The following CPQ variants were observed in gnomAD, a reference collection of about 807,000 sequenced individuals.
The protein encoded by CPQ is carboxypeptidase Q, also known as Ser-Met dipeptidase.
A neutral mutation model predicts 45.7 loss-of-function variants in CPQ; 37 were observed. That is an observed-to-expected ratio of 0.81 (90% CI 0.62 to 1.07). CPQ has a LOEUF of 1.07. Ranked by LOEUF, CPQ falls within the 50% of genes least tolerant of loss-of-function variation. The pLI is 0.00. For missense variants in CPQ, 537 were observed against 572.9 expected, an observed-to-expected ratio of 0.94 and a Z score of 0.64; for synonymous variants, 186 against 205.8, an observed-to-expected ratio of 0.90 and a Z score of 0.82.
At chr8:96,659,565 A>G (rs1333568005) in intron 1 of CPQ, among the ~76,000 whole-genome samples, 1 of 152,204 alleles carries the variant, frequency 6.6e-6, no homozygotes, top group Non-Finnish European at 1.5e-5. Flanking sequence ...TTCTATACAC[A>G]TGAGATCTTC....
At chr8:97,023,645 G>A (rs1190172018) in intron 5 of CPQ, among the ~76,000 whole-genome samples, 1 of 152,168 alleles carries the variant, frequency 6.6e-6, no homozygotes, top group Non-Finnish European at 1.5e-5. Context: ...AGGTAGGACT[G>A]TTGCCTTTGA....
intron 1 of CPQ, among the ~76,000 whole-genome samples, chr8:96,739,134 C>G (rs1167031961): frequency 1.4e-5 from 2 of 145,434 alleles, no homozygotes; most frequent in African/African-American, 5.1e-5. Flanking sequence ...TGTTTCCTGA[C>G]TTTTTAATGA....
rs189892327 is a variant in CPQ at position 96,974,709 on chromosome 8, G to A, written c.961+8663G>A. Among the ~76,000 whole-genome samples, 59 of 152,080 alleles carry A rather than the reference G, an allele frequency of 3.9e-4. 1 individual carries two copies. Among genetic ancestry groups the A allele is most frequent in the Middle Eastern group, 3.4e-3 (1 of 294 alleles). On this transcript the variant is annotated intron_variant, in intron 5 of 7. Coordinates refer to ENST00000220763, the MANE Select transcript of CPQ (RefSeq NM_016134.4). ...TAAAATTCGAAATCAACTCCAAGAG[G>A]AACCCTTAAAACCATGTAAATACAT...
chr8:96,940,278 T>C (rs1813107327), intron 4 of CPQ, among the ~76,000 whole-genome samples: 1 of 152,164 alleles, frequency 6.6e-6, no homozygotes, highest in Non-Finnish European at 1.5e-5. Flanking sequence ...ATACAAATCA[T>C]GGTTCATAAA....
intron 4 of CPQ, among the ~76,000 whole-genome samples, chr8:96,915,200 C>G (rs1453675777): frequency 1.3e-5 from 2 of 152,100 alleles, no homozygotes; most frequent in African/African-American, 4.8e-5. Flanking sequence ...CTTCAGGGGC[C>G]TATGTTTTTA....
At chr8:96,920,265 C>T (rs1372081398) in intron 4 of CPQ, among the ~76,000 whole-genome samples, 1 of 152,146 alleles carries the variant, frequency 6.6e-6, no homozygotes, top group East Asian at 1.9e-4. Flanking sequence ...ACTTTCTTCA[C>T]TGAGCCCTAT....
chr8:97,089,478 T>C (rs1046442060), intron 7 of CPQ, among the ~76,000 whole-genome samples: 3 of 152,142 alleles, frequency 2.0e-5, no homozygotes, highest in African/African-American at 7.2e-5. Context: ...AACATCAGAA[T>C]AGTCCGCTAG....
chr8:96,887,109 G>T (rs911379541), intron 4 of CPQ, among the ~76,000 whole-genome samples: 3 of 152,012 alleles, frequency 2.0e-5, no homozygotes, highest in Non-Finnish European at 4.4e-5. Context: ...GTTCCCCTGT[G>T]CCTCTTTTCA....
intron 2 of CPQ, among the ~76,000 whole-genome samples, chr8:96,792,988 T>A (rs1810869968): frequency 6.6e-6 from 1 of 152,092 alleles, no homozygotes; most frequent in African/African-American, 2.4e-5. Context: ...CATCAGATCT[T>A]GTGAGAATTC....
chr8:96,857,201 C>T (rs1563514366), intron 3 of CPQ, among the ~76,000 whole-genome samples: 1 of 152,150 alleles, frequency 6.6e-6, no homozygotes, highest in South Asian at 2.1e-4. Flanking sequence ...GCAGATAGTG[C>T]CTCAAGGTCA....
rs764587823 is a variant in CPQ, at chr8:96,693,465, G to GA, written c.-35+48069dup. The stretch of plus-strand genomic sequence containing the variant: ...TATAAAGAAAGGATCCTAAAAGCAA[G>GA]AAAAAAGAAACAAATAACATACAAT... On this transcript the variant is annotated intron_variant, in intron 1 of 7. Transcript: ENST00000220763. 5.3e-4 allele frequency among the ~76,000 whole-genome samples: 81 copies of GA among 151,930 alleles called. 4 individuals are homozygous for GA. The highest frequency in any genetic ancestry group is 5.3e-4 in the Non-Finnish European group (36 of 67,936).
At chr8:96,830,095 T>C (rs1187423706) in intron 2 of CPQ, among the ~76,000 whole-genome samples, 1 of 152,150 alleles carries the variant, frequency 6.6e-6, no homozygotes, top group Non-Finnish European at 1.5e-5. Flanking sequence ...CCTAGTTATC[T>C]TGCATAGTGC....
intron 4 of CPQ, among the ~76,000 whole-genome samples, chr8:96,883,511 A>G (rs1812258646): frequency 6.6e-6 from 1 of 152,224 alleles, no homozygotes; most frequent in Non-Finnish European, 1.5e-5. Flanking sequence ...AACTTCTTCC[A>G]CAAAGAAGTA....
chr8:97,044,996 G>A (rs946565106), intron 6 of CPQ, among the ~76,000 whole-genome samples: 1 of 152,192 alleles, frequency 6.6e-6, no homozygotes, highest in Non-Finnish European at 1.5e-5. Flanking sequence ...CGTGCTGGGA[G>A]AACCACTGCT....
At chr8:96,868,365 C>T (rs977733754) in intron 3 of CPQ, among the ~76,000 whole-genome samples, 24 of 152,066 alleles carry the variant, frequency 1.6e-4, no homozygotes, top group African/African-American at 5.8e-4. Flanking sequence ...TGTTCACCTT[C>T]ACATCTGTAA....
chr8:97,077,068 C>G (rs1563573997), intron 7 of CPQ, among the ~76,000 whole-genome samples: 1 of 152,210 alleles, frequency 6.6e-6, no homozygotes, highest in Non-Finnish European at 1.5e-5. Flanking sequence ...GTACCGTACT[C>G]TATTTATCAA....
At chr8:96,995,575 CA>C (rs1222733489) in intron 5 of CPQ, among the ~76,000 whole-genome samples, 4 of 150,898 alleles carry the variant, frequency 2.7e-5, no homozygotes, top group Non-Finnish European at 5.9e-5. Context: ...GTGGGAAATC[CA>C]AATGGCAAGG....
intron 2 of CPQ, among the ~76,000 whole-genome samples, chr8:96,787,014 ATATT>A (rs1810777654): frequency 6.6e-6 from 1 of 152,052 alleles, no homozygotes; most frequent in Non-Finnish European, 1.5e-5. Flanking sequence ...TGCTACAGAA[ATATT>A]TAATTTTTGA....
chr8:96,983,915 G>C (rs1314002352), intron 5 of CPQ, among the ~76,000 whole-genome samples: 1 of 150,752 alleles, frequency 6.6e-6, no homozygotes, highest in African/African-American at 2.4e-5. Flanking sequence ...TATCCAATCT[G>C]ACAATAGCAG....
Sources: allele counts gnomAD v4.1 joint callset (sites outside exome capture counted in the v4.1 genomes callset), GRCh38; gene constraint gnomAD v4.1.1; transcripts MANE v1.5; gene names NCBI Gene and HGNC (gene_info 2026-07-23, HGNC 2026-07-21).